PRDM16: variants seen among roughly 807,000 people sequenced by gnomAD.
PRDM16 encodes the protein PR/SET domain 16.
In PRDM16, 23 loss-of-function variants were observed where a neutral mutation model predicts 110.6. The ratio of observed to expected loss-of-function variants is 0.21; its 90% CI spans 0.15 to 0.29. PRDM16 has a LOEUF of 0.29. PRDM16 is among the 10% of genes least tolerant of loss of function. PRDM16 has a pLI of 1.00. For missense variants in PRDM16, 1,615 were observed against 1,794.3 expected (o/e 0.90, Z 1.81); for synonymous variants, 799 against 781.8 (o/e 1.02, Z -0.37).
At chr1:3,172,687 C>T (rs1341067695) in intron 1 of PRDM16, among the ~76,000 whole-genome samples, 3 of 152,200 alleles carry the variant, frequency 2.0e-5, no homozygotes, top group African/African-American at 7.2e-5. Flanking sequence ...CTAAGTAAGC[C>T]GGCTGTGAAA....
intron 3 of PRDM16, among the ~76,000 whole-genome samples, chr1:3,313,891 A>C (rs1641527944): frequency 6.6e-6 from 1 of 152,272 alleles, no homozygotes; most frequent in Admixed American, 6.5e-5. Flanking sequence ...AATAGGAGCG[A>C]ATGTGAACAC....
At chr1:3,308,616 C>G (rs1420743524) in intron 3 of PRDM16, 1 of 152,232 alleles carries the variant, frequency 6.6e-6, no homozygotes, top group African/African-American at 2.4e-5. Flanking sequence ...TGCGTTTCCT[C>G]GTGCCTGGTT....
At chr1:3,125,261 G>A (rs765626264) in intron 1 of PRDM16, among the ~76,000 whole-genome samples, 3 of 152,372 alleles carry the variant, frequency 2.0e-5, no homozygotes, top group East Asian at 1.9e-4. Flanking sequence ...CTTTCTTAGC[G>A]GACGGCCCAG....
chr1:3,363,578 G>A (rs1048706980), intron 3 of PRDM16, among the ~76,000 whole-genome samples: 5 of 152,124 alleles, frequency 3.3e-5, no homozygotes, highest in African/African-American at 1.2e-4. Context: ...GTCTTCCTTT[G>A]TGAGAATCTT....
chr1:3,322,045 G>A (rs537789651), intron 3 of PRDM16, among the ~76,000 whole-genome samples: 1 of 149,630 alleles, frequency 6.7e-6, no homozygotes, highest in Non-Finnish European at 1.5e-5. Context: ...AGAGTGTTTG[G>A]AGGTCGTGTG....
chr1:3,409,093 G>T (rs1267954803), intron 8 of PRDM16, among the ~76,000 whole-genome samples: 4 of 147,690 alleles, frequency 2.7e-5, no homozygotes, highest in Non-Finnish European at 6.1e-5. Flanking sequence ...GTGGGCGCGT[G>T]TCTGTGAGTG....
At chr1:3,366,570 G>A (rs1035593040) in intron 3 of PRDM16, among the ~76,000 whole-genome samples, 5 of 152,206 alleles carry the variant, frequency 3.3e-5, no homozygotes, top group African/African-American at 4.8e-5. Context: ...AATTCAGAAA[G>A]GGGCTAGTAG....
chr1:3,400,853 C>T (rs1375823601), intron 5 of PRDM16, among the ~76,000 whole-genome samples: 1 of 152,198 alleles, frequency 6.6e-6, no homozygotes, highest in East Asian at 1.9e-4. Context: ...CCAATGCACA[C>T]ACCCCTGGGG....
intron 6 of PRDM16, among the ~76,000 whole-genome samples, chr1:3,403,510 A>G (rs1643509632): frequency 6.6e-6 from 1 of 152,130 alleles, no homozygotes; most frequent in African/African-American, 2.4e-5. Context: ...AGAAGGGGTC[A>G]CCCCTATCCC....
chr1:3,212,105 C>T (rs574856267), intron 2 of PRDM16, among the ~76,000 whole-genome samples: 6 of 152,300 alleles, frequency 3.9e-5, no homozygotes, highest in South Asian at 2.1e-4. Context: ...CTCCATTCAC[C>T]GGCTCGTGAA....
At chr1:3,126,218 C>T (rs1206772835) in intron 1 of PRDM16, among the ~76,000 whole-genome samples, 1 of 152,230 alleles carries the variant, frequency 6.6e-6, no homozygotes, top group Admixed American at 6.5e-5. Context: ...TGCAGAGGCA[C>T]AGTCGGTCCC....
chr1:3,402,650 G>A (rs968273396), intron 5 of PRDM16, 141 bp from the exon 6 acceptor site: 12 of 679,708 alleles, frequency 1.8e-5, no homozygotes, highest in Non-Finnish European at 3.1e-5. Context: ...GTTGAAGGCT[G>A]GAAGGAAGCA....
intron 3 of PRDM16, among the ~76,000 whole-genome samples, chr1:3,317,443 C>A (rs1041205694): frequency 6.6e-6 from 1 of 152,222 alleles, no homozygotes; most frequent in African/African-American, 2.4e-5. Flanking sequence ...AGCAGGAGTG[C>A]GGGCGTGCCG....
chr1:3,177,683 C>T (rs960416490), intron 1 of PRDM16, among the ~76,000 whole-genome samples: 2 of 152,214 alleles, frequency 1.3e-5, no homozygotes, highest in South Asian at 4.1e-4. Context: ...CAAAGTTGCT[C>T]CTGGAATCAT....
chr1:3,379,236 T>C (rs867049375), intron 3 of PRDM16, among the ~76,000 whole-genome samples: 18 of 31,112 alleles, frequency 5.8e-4, no homozygotes, highest in East Asian at 3.2e-3. Context: ...CCCAACACAC[T>C]CATCCCAACA....
At chr1:3,349,721 T>TG (rs1427573437) in intron 3 of PRDM16, among the ~76,000 whole-genome samples, 1 of 152,110 alleles carries the variant, frequency 6.6e-6, no homozygotes, top group South Asian at 2.1e-4. Flanking sequence ...TCCTGCGCTC[T>TG]GGGGGTCTTC....
intron 2 of PRDM16, among the ~76,000 whole-genome samples, chr1:3,204,315 C>T (rs777682687): frequency 2.0e-5 from 3 of 152,036 alleles, no homozygotes; most frequent in Admixed American, 6.6e-5. Flanking sequence ...CTGTGGACCC[C>T]GCCTGCTCCC....
At chr1:3,341,759 C>T (rs185915085) in intron 3 of PRDM16, among the ~76,000 whole-genome samples, 3 of 152,344 alleles carry the variant, frequency 2.0e-5, no homozygotes, top group East Asian at 1.9e-4. Context: ...CAGCAGCTGC[C>T]GCTCCCAGGC....
intron 2 of PRDM16, among the ~76,000 whole-genome samples, chr1:3,193,029 C>A (rs1044303842): frequency 1.3e-5 from 2 of 151,760 alleles, no homozygotes; most frequent in Non-Finnish European, 2.9e-5. Context: ...GCAGTCACAG[C>A]GGCCAGACGG....
Sources: gnomAD v4.1 joint callset for allele counts (sites outside exome capture counted in the v4.1 genomes callset) on GRCh38, gnomAD v4.1.1 for gene constraint, MANE v1.5 for transcripts, NCBI Gene and HGNC (gene_info 2026-07-23, HGNC 2026-07-21) for gene names.